Variants in ADGRB3 observed in about 807,000 individuals in gnomAD.
The protein encoded by ADGRB3 is adhesion G protein-coupled receptor B3.
In ADGRB3, 37 loss-of-function variants were observed where a neutral mutation model predicts 193.4. That is an observed-to-expected ratio of 0.19 (90% CI 0.15 to 0.25). The LOEUF (loss-of-function observed/expected upper bound fraction) is 0.25, where lower values mean the gene tolerates loss of function less well. ADGRB3 is among the 10% of genes least tolerant of loss of function. ADGRB3 has a pLI of 1.00. For missense variants in ADGRB3, 1,637 were observed against 1,852.9 expected (o/e 0.88, Z 2.14); for synonymous variants, 690 against 644.2 (o/e 1.07, Z -1.08).
chr6:68,797,572 G>C (rs1410728748), intron 3 of ADGRB3, among the ~76,000 whole-genome samples: 1 of 152,104 alleles, frequency 6.6e-6, no homozygotes, highest in Non-Finnish European at 1.5e-5. Context: ...TTACAGAAGA[G>C]AGAGTGGAGG....
chr6:68,755,289 T>C (rs1036363014), intron 3 of ADGRB3, among the ~76,000 whole-genome samples: 1 of 152,034 alleles, frequency 6.6e-6, no homozygotes, highest in African/African-American at 2.4e-5. Context: ...CTGACATCAA[T>C]GAGGATGATA....
chr6:69,047,958 T>G (rs928462383), intron 13 of ADGRB3, among the ~76,000 whole-genome samples: 2 of 152,160 alleles, frequency 1.3e-5, no homozygotes, highest in African/African-American at 2.4e-5. Flanking sequence ...TGACCACCAT[T>G]GTATGATACC....
chr6:69,317,838 G>A (rs898918951), intron 20 of ADGRB3, among the ~76,000 whole-genome samples: 12 of 151,414 alleles, frequency 7.9e-5, no homozygotes, highest in African/African-American at 2.9e-4. Flanking sequence ...AATCGGTAAT[G>A]TTTAATTAAA....
chr6:68,744,134 G>A (rs983561424), intron 3 of ADGRB3, among the ~76,000 whole-genome samples: 1 of 151,800 alleles, frequency 6.6e-6, no homozygotes, highest in South Asian at 2.1e-4. Context: ...AAGAATGAAG[G>A]AAAAGAAGAA....
At chr6:69,234,899 A>C (rs982927006) in intron 18 of ADGRB3, 133 bp from the exon 19 acceptor site, 2 of 634,760 alleles carry the variant, frequency 3.2e-6, no homozygotes, top group African/African-American at 3.7e-5. Context: ...GAGTGGATTC[A>C]TGGGTAACTA....
intron 17 of ADGRB3, among the ~76,000 whole-genome samples, chr6:69,113,509 C>T (rs565214460): frequency 1.2e-4 from 18 of 151,944 alleles, no homozygotes; most frequent in South Asian, 8.3e-4. Context: ...CCACAGTAGA[C>T]GGTATAATTG....
At chr6:68,719,366 A>C (rs1394655192) in intron 3 of ADGRB3, among the ~76,000 whole-genome samples, 1 of 151,768 alleles carries the variant, frequency 6.6e-6, no homozygotes, top group Non-Finnish European at 1.5e-5. Context: ...AACTTTATTG[A>C]ATTTTAATTA....
chr6:69,000,027 T>G (rs1169660183), intron 11 of ADGRB3, among the ~76,000 whole-genome samples: 1 of 152,198 alleles, frequency 6.6e-6, no homozygotes, highest in Non-Finnish European at 1.5e-5. Context: ...CTGAATCTTA[T>G]TCTATCAGTA....
intron 3 of ADGRB3, among the ~76,000 whole-genome samples, chr6:68,765,937 T>C (rs1227038814): frequency 1.3e-5 from 2 of 152,074 alleles, no homozygotes; most frequent in Non-Finnish European, 2.9e-5. Flanking sequence ...AAAAATGTTT[T>C]ATTTATTCAG....
intron 17 of ADGRB3, among the ~76,000 whole-genome samples, chr6:69,147,433 C>A (rs1171250691): frequency 6.6e-6 from 1 of 152,070 alleles, no homozygotes; most frequent in Non-Finnish European, 1.5e-5. Flanking sequence ...CATTGCATTT[C>A]CATGTTTTTG....
chr6:69,339,761 G>C (rs774686270), intron 26 of ADGRB3, among the ~76,000 whole-genome samples: 3 of 152,132 alleles, frequency 2.0e-5, no homozygotes, highest in Non-Finnish European at 2.9e-5. Context: ...AGGAAGAATA[G>C]ATTTAAAAGA....
At position 69,029,976 on chromosome 6, in the gene ADGRB3, GCACACACACA is replaced by G. The variant is rs10653397; in HGVS notation, c.2107+11496_2107+11505del. The stretch of plus-strand genomic sequence containing the variant: ...TATATATATATATGATATATAGAAT[GCACACACACA>G]CACACACACACACACACATATATAT... On this transcript the variant is annotated intron_variant, in intron 13 of 31. Transcript: ENST00000370598. 3.1e-3 allele frequency among the ~76,000 whole-genome samples: 456 copies of G among 145,280 alleles called. 2 individuals carry two copies. The highest frequency in any genetic ancestry group is 0.011 in the East Asian group (51 of 4,836).
intron 3 of ADGRB3, among the ~76,000 whole-genome samples, chr6:68,777,978 C>A (rs1766781258): frequency 6.6e-6 from 1 of 152,022 alleles, no homozygotes. Context: ...AATGAACCAA[C>A]AAAGCCTGTT....
intron 3 of ADGRB3, among the ~76,000 whole-genome samples, chr6:68,681,304 T>A (rs572991492): frequency 2.6e-5 from 4 of 152,274 alleles, no homozygotes; most frequent in African/African-American, 9.6e-5. Flanking sequence ...ATATCCAAAC[T>A]ATATCATGCC....
At chr6:69,056,450 T>A (rs922041745) in intron 15 of ADGRB3, among the ~76,000 whole-genome samples, 1 of 152,212 alleles carries the variant, frequency 6.6e-6, no homozygotes, top group Admixed American at 6.5e-5. Context: ...CTGTTTTCTT[T>A]CCTGCACAAA....
At position 68,709,891 on chromosome 6, in the gene ADGRB3, T is replaced by C. The variant is rs76846133; in HGVS notation, c.757+70459T>C. ...TTACGTGCTTCAGTGTTTGAGAAGC[T>C]GAAAACCACTACATTTTTGGCTGCC... is the stretch of plus-strand genomic sequence containing the variant. On this transcript the variant is annotated intron_variant, in intron 3 of 31. Transcript: ENST00000370598. Among the ~76,000 whole-genome samples, 1,176 of 152,334 alleles carry C rather than the reference T, an allele frequency of 7.7e-3. 6 individuals carry two copies. Among genetic ancestry groups the C allele is most frequent in the South Asian group, 0.024 (116 of 4,832 alleles).
intron 20 of ADGRB3, among the ~76,000 whole-genome samples, chr6:69,319,744 T>A (rs1226159010): frequency 1.3e-5 from 2 of 151,484 alleles, no homozygotes; most frequent in Non-Finnish European, 3.0e-5. Context: ...ATCTGGTTTT[T>A]ACATGTTAGT....
At chr6:68,893,130 C>G (rs750125097) in intron 3 of ADGRB3, among the ~76,000 whole-genome samples, 71 of 151,926 alleles carry the variant, frequency 4.7e-4, no homozygotes, top group Non-Finnish European at 9.1e-4. Context: ...ATATAGAAAA[C>G]AAAATCAAAC....
rs1765686304 is a variant in ADGRB3, at chr6:68,879,736, C to A, written c.758-50823C>A. Among the ~76,000 whole-genome samples the A allele has an allele frequency of 2.0e-5, 3 of 152,132 alleles. No homozygotes were observed. In the South Asian group the frequency reaches 6.2e-4, roughly 32 times the overall value. On this transcript the variant is annotated intron_variant, in intron 3 of 31. Coordinates refer to ENST00000370598, the MANE Select transcript of ADGRB3 (RefSeq NM_001704.3). ...CCTGAGCTTATCATTTTAGGAAGTG[C>A]ACTCTGGTCTGTGATTTTTCAGATC... is the stretch of plus-strand genomic sequence containing the variant.
Sources: allele counts gnomAD v4.1 joint callset (sites outside exome capture counted in the v4.1 genomes callset), GRCh38; gene constraint gnomAD v4.1.1; transcripts MANE v1.5; gene names NCBI Gene and HGNC (gene_info 2026-07-23, HGNC 2026-07-21).